Variants in LANCL3 observed in about 807,000 individuals in gnomAD.
LANCL3 encodes the protein lanC-like protein 3.
Under a neutral mutation model 26.5 loss-of-function variants are expected in LANCL3, and 19 were observed. The ratio of observed to expected loss-of-function variants is 0.72; its 90% CI spans 0.50 to 1.05. The LOEUF (loss-of-function observed/expected upper bound fraction) is 1.05. Among genes scored for constraint, LANCL3 ranks in the 50% least tolerant of loss-of-function variants. The pLI, the probability that LANCL3 is intolerant of heterozygous loss-of-function variation, is 0.00. For synonymous variants in LANCL3, 160 were observed against 166.6 expected (o/e 0.96, Z 0.30); for missense variants, 318 against 362.7 (o/e 0.88, Z 1.00).
chrX:37,661,324 C>CT (rs1382600492), intron 3 of LANCL3, among the ~76,000 whole-genome samples: 7 of 111,793 alleles, frequency 6.3e-5, no homozygotes, highest in Non-Finnish European at 1.3e-4. Context: ...TACCATCTGT[C>CT]TTTGTAAATC....
At chrX:37,637,510 C>T (rs1925739607) in intron 1 of LANCL3, among the ~76,000 whole-genome samples, 1 of 111,126 alleles carries the variant, frequency 9.0e-6, no homozygotes, top group East Asian at 2.8e-4. Context: ...TGGCCCCTTC[C>T]TCCCATTTCT....
At chrX:37,669,610 A>G (rs1303804714) in intron 4 of LANCL3, among the ~76,000 whole-genome samples, 1 of 111,573 alleles carries the variant, frequency 9.0e-6, no homozygotes, top group Non-Finnish European at 1.9e-5. Context: ...TCCTACCATG[A>G]TTGGAAGCTT....
At chrX:37,582,799 G>A (rs1923938246) in intron 1 of LANCL3, among the ~76,000 whole-genome samples, 2 of 111,821 alleles carry the variant, frequency 1.8e-5, no homozygotes, top group African/African-American at 6.5e-5. Flanking sequence ...TTCTTTTGCT[G>A]TGCAGAAGCT....
intron 1 of LANCL3, among the ~76,000 whole-genome samples, chrX:37,617,284 A>G (rs1400995716): frequency 9.0e-6 from 1 of 111,096 alleles, no homozygotes; most frequent in African/African-American, 3.3e-5. Context: ...TTTAAAGAAG[A>G]AGGGTTTTTG....
rs182910426 is a variant in LANCL3 at position 37,649,276 on chromosome X, A to G, written c.574-6412A>G. ...ATACCACGGAATATTATGCAGCCAT[A>G]AAAAGGAATGAGATCATGTCCTTTG... On this transcript the variant is annotated intron_variant, in intron 1 of 4. Transcript: ENST00000378619. Among the ~76,000 whole-genome samples, 6 of 112,412 alleles carry G rather than the reference A, an allele frequency of 5.3e-5. No homozygotes were observed. The East Asian group carries it at 1.7e-3, about 31-fold the overall frequency.
At chrX:37,660,395 A>G (rs150609763) in intron 3 of LANCL3, among the ~76,000 whole-genome samples, 1 of 112,074 alleles carries the variant, frequency 8.9e-6, no homozygotes, top group African/African-American at 3.2e-5. Flanking sequence ...ACCAAACAAA[A>G]TGTCTAGAAA....
At chrX:37,611,731 G>GTT (rs1337587875) in intron 1 of LANCL3, among the ~76,000 whole-genome samples, 1 of 111,199 alleles carries the variant, frequency 9.0e-6, no homozygotes, top group Non-Finnish European at 1.9e-5. Context: ...GAGTGCCAGA[G>GTT]TTTGAATCTC....
chrX:37,600,482 A>G (rs1463065926), intron 1 of LANCL3, among the ~76,000 whole-genome samples: 12 of 111,924 alleles, frequency 1.1e-4, no homozygotes, highest in African/African-American at 3.6e-4. Context: ...GGATGAGTCA[A>G]ATATATTAAT....
intron 1 of LANCL3, among the ~76,000 whole-genome samples, chrX:37,585,758 G>A (rs782380104): frequency 1.6e-4 from 18 of 111,249 alleles, no homozygotes; most frequent in Admixed American, 2.9e-4. Context: ...CCAATTTGCC[G>A]GTCTGTGTCT....
intron 1 of LANCL3, among the ~76,000 whole-genome samples, chrX:37,628,604 C>T (rs868908524): frequency 2.9e-5 from 2 of 68,193 alleles, no homozygotes; most frequent in Non-Finnish European, 5.4e-5. Context: ...CCCCTCCCCC[C>T]ACCCCACAAC....
intron 1 of LANCL3, among the ~76,000 whole-genome samples, chrX:37,611,264 G>T (rs1335400488): frequency 9.0e-6 from 1 of 111,665 alleles, no homozygotes; most frequent in Admixed American, 9.5e-5. Flanking sequence ...TGATGCTTCT[G>T]GGCAGACCAA....
At chrX:37,577,520 G>A (rs1355331952) in intron 1 of LANCL3, among the ~76,000 whole-genome samples, 1 of 112,425 alleles carries the variant, frequency 8.9e-6, no homozygotes, top group Admixed American at 9.4e-5. Context: ...AGTACAACTA[G>A]TGGTTTGTAG....
At chrX:37,603,576 C>A (rs1166769918) in intron 1 of LANCL3, among the ~76,000 whole-genome samples, 1 of 112,238 alleles carries the variant, frequency 8.9e-6, no homozygotes, top group Middle Eastern at 4.6e-3. Context: ...TGAAGAACCC[C>A]ACTGTGGTTC....
At chrX:37,624,957 C>A (rs781849754) in intron 1 of LANCL3, among the ~76,000 whole-genome samples, 1 of 111,848 alleles carries the variant, frequency 8.9e-6, no homozygotes, top group South Asian at 3.8e-4. Flanking sequence ...ACTTTCATGG[C>A]ACCCCCTTGT....
chrX:37,613,263 G>A (rs1924928747), intron 1 of LANCL3, among the ~76,000 whole-genome samples: 1 of 110,899 alleles, frequency 9.0e-6, no homozygotes, highest in South Asian at 3.8e-4. Context: ...GAATGTAAGT[G>A]TCAAGGAGGC....
chrX:37,578,981 A>T (rs373044566), intron 1 of LANCL3, among the ~76,000 whole-genome samples: 4 of 88,296 alleles, frequency 4.5e-5, no homozygotes, highest in African/African-American at 1.8e-4. Context: ...CTCCATCTCT[A>T]AAAAAAAAAA....
chrX:37,634,765 C>T (rs1378935034), intron 1 of LANCL3, among the ~76,000 whole-genome samples: 1 of 111,515 alleles, frequency 9.0e-6, no homozygotes, highest in Non-Finnish European at 1.9e-5. Flanking sequence ...AGGAGAATGT[C>T]CATGTTTATA....
At chrX:37,669,552 T>G (rs901545841) in intron 4 of LANCL3, among the ~76,000 whole-genome samples, 1 of 111,397 alleles carries the variant, frequency 9.0e-6, no homozygotes, top group Non-Finnish European at 1.9e-5. Flanking sequence ...CCCCCTCCCC[T>G]CTTGCTCCTG....
chrX:37,653,203 T>TAGAA (rs782502166), intron 1 of LANCL3, among the ~76,000 whole-genome samples: 1 of 110,745 alleles, frequency 9.0e-6, no homozygotes, highest in South Asian at 3.9e-4. Context: ...GGATTCGGGA[T>TAGAA]AGAAAGAAAG....
Sources: allele counts gnomAD v4.1 joint callset (sites outside exome capture counted in the v4.1 genomes callset), GRCh38; gene constraint gnomAD v4.1.1; transcripts MANE v1.5; gene names NCBI Gene and HGNC (gene_info 2026-07-23, HGNC 2026-07-21).